Variants in TBP observed in about 807,000 individuals in gnomAD.
TBP encodes TATA-box-binding protein.
A neutral mutation model predicts 46.2 loss-of-function variants in TBP; 12 were observed. That is an observed-to-expected ratio of 0.26 (90% CI 0.17 to 0.42). The LOEUF (loss-of-function observed/expected upper bound fraction) is 0.42. Ranked by LOEUF, TBP falls within the 10% of genes least tolerant of loss-of-function variation. The pLI, the probability that TBP is intolerant of heterozygous loss-of-function variation, is 1.00. For synonymous variants in TBP, 157 were observed against 148.3 expected (o/e 1.06, Z -0.42); for missense variants, 229 against 403.1 (o/e 0.57, Z 3.70).
intron 4 of TBP, among the ~76,000 whole-genome samples, 169 bp from the exon 5 acceptor site, chr6:170,566,749 G>T (rs1779256821): frequency 6.6e-6 from 1 of 152,176 alleles, no homozygotes; most frequent in Admixed American, 6.5e-5. Context: ...GTTACATGTG[G>T]TGTATGCAAA....
chr6:170,560,924 G>A (rs983512447), intron 2 of TBP, among the ~76,000 whole-genome samples: 23 of 152,218 alleles, frequency 1.5e-4, no homozygotes, highest in Non-Finnish European at 2.8e-4. Context: ...AGCAGGGTTT[G>A]AGAGGATTGA....
intron 1 of TBP, chr6:170,554,800 T>C (rs915518617): frequency 6.6e-6 from 1 of 152,326 alleles, no homozygotes; most frequent in African/African-American, 2.4e-5. Flanking sequence ...CATCCGCTTC[T>C]TCTCCATGTT....
In TBP at chr6:170,557,248, A is replaced by G. The variant is rs182420138; in HGVS notation, c.54+165A>G. ...GTTCTATTAGGCTTTGAATAGGCAC[A>G]ATGGTGTTTATTTGGGAAGTCTGGA... On this transcript the variant is annotated intron_variant, in intron 2 of 7. Transcript: ENST00000392092. 3.3e-5 allele frequency among the ~76,000 whole-genome samples: 5 copies of G among 152,302 alleles called. No individual in the cohort carries two copies. The East Asian group carries it at 9.6e-4, about 29-fold the overall frequency.
intron 1 of TBP, among the ~76,000 whole-genome samples, chr6:170,555,372 C>T (rs1010943991): frequency 2.0e-5 from 3 of 152,216 alleles, no homozygotes; most frequent in African/African-American, 7.2e-5. Context: ...GTTCATACTG[C>T]ACTTCCGAAA....
In TBP at chr6:170,561,687, G is replaced by A. The variant is rs73793712; in HGVS notation, c.55-104G>A. ...ATGTTTAATAACCCCATTATTCTCC[G>A]AAGGCATCTGTCTTTGCACACCTGA... On this transcript the variant is annotated intron_variant, in intron 2 of 7. Transcript: ENST00000392092. The A allele has an allele frequency of 6.2e-4, 944 of 1,519,888 alleles. 3 individuals are homozygous for A. The African/African-American group carries it at 0.011, about 18-fold the overall frequency. The allele number at this position is 1,519,888 out of a possible 1,614,324, so 94.2% of individuals were successfully genotyped here.
chr6:170,561,247 T>C (rs1410501968), intron 2 of TBP, among the ~76,000 whole-genome samples: 1 of 152,240 alleles, frequency 6.6e-6, no homozygotes, highest in Non-Finnish European at 1.5e-5. Context: ...TAATAGACTT[T>C]AGTGCTAACA....
At chr6:170,565,711 A>G (rs1373405182) in intron 4 of TBP, among the ~76,000 whole-genome samples, 1 of 152,222 alleles carries the variant, frequency 6.6e-6, no homozygotes, top group Non-Finnish European at 1.5e-5. Context: ...TATATAAACT[A>G]CTATATACTG....
At chr6:170,555,446 AAT>A (rs1779001759) in intron 1 of TBP, among the ~76,000 whole-genome samples, 1 of 152,188 alleles carries the variant, frequency 6.6e-6, no homozygotes, top group South Asian at 2.1e-4. Context: ...TGAGCCCACC[AAT>A]ATGTGCTGTC....
rs2114994828 is a variant in TBP, at chr6:170,562,075, A to T, written c.339A>T (p.Gly113=). 1 of 1,613,990 alleles carries T rather than the reference A, an allele frequency of 6.2e-7. No individual in the cohort carries two copies. Among genetic ancestry groups the T allele is most frequent in the East Asian group, 2.2e-5 (1 of 44,864 alleles). ...QQSTSQQATQ[G]TSGQAPQLFH... ...CAACGTCCCAGCAGGCAACACAGGG[A>T]ACCTCAGGCCAGGCACCACAGCTCT... is the stretch of plus-strand genomic sequence containing the variant. The change falls in exon 3 of 8, where the codon GGA becomes GGT. Residue 113 remains glycine (G), a synonymous_variant. Coordinates refer to ENST00000392092, the MANE Select transcript of TBP (RefSeq NM_003194.5).
intron 5 of TBP, among the ~76,000 whole-genome samples, chr6:170,568,815 CTTTTTTTTTTTTTTTT>C (rs377394208): frequency 1.6e-5 from 1 of 62,610 alleles, no homozygotes; most frequent in Non-Finnish European, 2.9e-5. Context: ...CTTTCCTTTT[CTTTTTTTTTTTTTTTT>C]TTTTTTTTTT....
intron 5 of TBP, among the ~76,000 whole-genome samples, chr6:170,569,154 C>T (rs956832047): frequency 1.4e-4 from 22 of 152,100 alleles, no homozygotes; most frequent in African/African-American, 5.1e-4. Flanking sequence ...ACTGCTAAGT[C>T]GTAGTTTATT....
chr6:170,560,072 A>C (rs1028477098), intron 2 of TBP, among the ~76,000 whole-genome samples: 1 of 152,246 alleles, frequency 6.6e-6, no homozygotes, highest in Non-Finnish European at 1.5e-5. Context: ...ACTCACTGAC[A>C]GTGTAACTAG....
intron 6 of TBP, among the ~76,000 whole-genome samples, chr6:170,570,467 GAC>G (rs1471732770): frequency 1.3e-5 from 2 of 152,172 alleles, no homozygotes; most frequent in Non-Finnish European, 2.9e-5. Flanking sequence ...TCTTAGGTCA[GAC>G]ACACAGAAAC....
intron 2 of TBP, among the ~76,000 whole-genome samples, chr6:170,560,501 CATAG>C (rs1289292030): frequency 6.6e-6 from 1 of 152,110 alleles, no homozygotes; most frequent in African/African-American, 2.4e-5. Context: ...CTGTAGCTGC[CATAG>C]ATAGTGATTC....
intron 2 of TBP, 127 bp from the exon 3 acceptor site, chr6:170,561,664 G>GT: frequency 1.3e-6 from 2 of 1,492,592 alleles, no homozygotes; most frequent in Non-Finnish European, 1.8e-6. Context: ...CGTAATTAAT[G>GT]TTTAATAACC....
In TBP at chr6:170,562,129, C is replaced by T; in HGVS notation, c.393C>T (p.Pro131=). The T allele has an allele frequency of 6.2e-7, 1 of 1,614,188 alleles. No homozygotes were observed. Among genetic ancestry groups the T allele is most frequent in the Non-Finnish European group, 8.5e-7 (1 of 1,180,044 alleles). The part of the protein sequence containing the change: ...LFHSQTLTTA[P]LPGTTPLYPS... ...ACTCACAGACTCTCACAACTGCACCCTTGCCGGGCACCACTCCACTGTATC... is the reference window on the plus strand; with the variant it reads ...ACTCACAGACTCTCACAACTGCACCTTTGCCGGGCACCACTCCACTGTATC... Residue 131 remains proline (P), a synonymous_variant, in exon 3 of 8, where the codon CCC becomes CCT. Transcript: ENST00000392092.
At chr6:170,571,610 C>T in intron 7 of TBP, 106 bp downstream of exon 7, 1 of 870,272 alleles carries the variant, frequency 1.1e-6, no homozygotes, top group South Asian at 1.6e-5. Flanking sequence ...GGGCTAGCTT[C>T]TTGTACAAAG....
chr6:170,564,585 C>T lies in TBP; in HGVS notation c.538C>T (p.Leu180=). 6.2e-7 allele frequency: 1 copy of T among 1,611,318 alleles called. No homozygotes were observed. The highest frequency in any genetic ancestry group is 1.1e-5 in the South Asian group (1 of 90,578). Residue 180 remains leucine, a synonymous_variant, in exon 4 of 8, where the codon CTA becomes TTA. Coordinates refer to ENST00000392092, the MANE Select transcript of TBP (RefSeq NM_003194.5). The part of the protein sequence containing the change: ...STVNLGCKLD[L]KTIALRARNA... ...AGTGAATCTTGGTTGTAAACTTGAC[C>T]TAAAGACCATTGCACTTCGTGCCCG...
At position 170,569,233 on chromosome 6, in the gene TBP, C is replaced by T. The variant is rs187968965; in HGVS notation, c.678-379C>T. On this transcript the variant is annotated intron_variant, in intron 5 of 7. Coordinates refer to ENST00000392092, the MANE Select transcript of TBP (RefSeq NM_003194.5). ...TAAAAGAGGATAGAATTAGTGAATA[C>T]ATTGTTCAATAATAAATCTCATCAA... is the stretch of plus-strand genomic sequence containing the variant. 1.4e-3 allele frequency among the ~76,000 whole-genome samples: 215 copies of T among 152,352 alleles called. 2 individuals are homozygous for T. The highest frequency in any genetic ancestry group is 4.8e-3 in the African/African-American group (201 of 41,584).
Sources: allele counts gnomAD v4.1 joint callset (sites outside exome capture counted in the v4.1 genomes callset), GRCh38; gene constraint gnomAD v4.1.1; transcripts MANE v1.5; gene names NCBI Gene and HGNC (gene_info 2026-07-23, HGNC 2026-07-21).